ZNF519: variants seen among roughly 807,000 people sequenced by gnomAD.
ZNF519 encodes similar to Zinc finger protein 85 (Zinc finger protein HPF4) (HTF1).
A neutral mutation model predicts 7.4 loss-of-function variants in ZNF519; 7 were observed. The ratio of observed to expected loss-of-function variants is 0.94; its 90% CI spans 0.54 to 1.77. The LOEUF (loss-of-function observed/expected upper bound fraction) is 1.77. Among genes scored for constraint, ZNF519 ranks in the 40% most tolerant of loss-of-function variants. The pLI, the probability that ZNF519 is intolerant of heterozygous loss-of-function variation, is 0.00. For synonymous variants in ZNF519, 179 were observed against 203.3 expected, an observed-to-expected ratio of 0.88 and a Z score of 1.02; for missense variants, 586 against 623.1, an observed-to-expected ratio of 0.94 and a Z score of 0.63.
Position 14,106,411 on chromosome 18 carries a change from T to C in ZNF519, c.131-2A>G. Reference sequence around the variant, plus strand: ...CTTGGTTGTAATAAGAATACACAGCTGAAAGAAGTAAAAATAACTAATTAT... The same window carrying C: ...CTTGGTTGTAATAAGAATACACAGCCGAAAGAAGTAAAAATAACTAATTAT... On this transcript the variant is annotated splice_acceptor_variant, in intron 2 of 2. Coordinates refer to ENST00000590202, the MANE Select transcript of ZNF519 (RefSeq NM_145287.4). LOFTEE classifies it high-confidence loss of function. 2 of 1,562,308 alleles carry C rather than the reference T, an allele frequency of 1.3e-6. No individual in the cohort carries two copies. The highest frequency in any genetic ancestry group is 1.7e-6 in the Non-Finnish European group (2 of 1,159,328).
At chr18:14,131,939 G>A (rs1159240286) in intron 1 of ZNF519, among the ~76,000 whole-genome samples, 1 of 152,202 alleles carries the variant, frequency 6.6e-6, no homozygotes, top group African/African-American at 2.4e-5. Flanking sequence ...ATTCCGAACA[G>A]GGTAAGGTAG....
Position 14,132,390 on chromosome 18 carries a change from A to C in ZNF519, c.-113T>G. 1 of 1,377,620 alleles carries C rather than the reference A, an allele frequency of 7.3e-7. No individual in the cohort carries two copies. Among genetic ancestry groups the C allele is most frequent in the South Asian group, 1.2e-5 (1 of 81,902 alleles). 85.3% of individuals were successfully genotyped at this position (1,377,620 alleles called of 1,614,324 possible). A position where few individuals can be genotyped will look rare whatever the true frequency, so the allele number is the denominator to read the frequency against. On this transcript the variant is annotated 5_prime_UTR_variant, in exon 1 of 3. Transcript: ENST00000590202. ...ACCGAAGTCTCCCGGAGCAGAGGAC[A>C]CAAGGCAATGAAGCCCTAACCCCGC...
At position 14,102,702 on chromosome 18, in the gene ZNF519, AAAC is replaced by A. The variant is rs1232113640; in HGVS notation, c.*2212_*2214del. 2.6e-5 allele frequency: 4 copies of A among 152,154 alleles called. No individual in the cohort carries two copies. The highest frequency in any genetic ancestry group is 7.2e-5 in the African/African-American group (3 of 41,450). The allele number at this position is 152,154 out of a possible 1,614,324, so 9.4% of individuals were successfully genotyped here. ...TGTTGTAAATTATTTTCTCATTACA[AAAC>A]AACCTCACCTAAACTAATATACAAC... is the stretch of plus-strand genomic sequence containing the variant. On this transcript the variant is annotated 3_prime_UTR_variant, in exon 3 of 3. Transcript: ENST00000590202.
rs745680132 is a variant in ZNF519 at position 14,106,239 on chromosome 18, A to G, written c.301T>C (p.Cys101Arg). 8 of 1,613,522 alleles carry G rather than the reference A, an allele frequency of 5.0e-6. No homozygotes were observed. The highest frequency in any genetic ancestry group is 5.9e-6 in the Non-Finnish European group (7 of 1,179,928). ...TGACTAGTTGTCAAATATTGGCTAC[A>G]TAGATTATAACATTCCTTTTGTCCT... ...GEGQKECYNL[C>R]SQYLTTSHNK... The change falls in exon 3 of 3, where the codon TGT (cysteine) becomes CGT (arginine). Residue 101 changes from cysteine (C) to arginine (R), a missense_variant. Coordinates refer to ENST00000590202, the MANE Select transcript of ZNF519 (RefSeq NM_145287.4).
At chr18:14,097,119 A>G (rs2046140015), downstream of ZNF519, among the ~76,000 whole-genome samples, 1 of 152,238 alleles carries the variant, frequency 6.6e-6, no homozygotes, top group African/African-American at 2.4e-5. Flanking sequence ...TCTCCAAATC[A>G]AATGAAGTAG....
chr18:14,084,657 C>T (rs938865977), intron 3 of ZNF519, among the ~76,000 whole-genome samples: 15 of 152,104 alleles, frequency 9.9e-5, no homozygotes, highest in African/African-American at 3.4e-4. Flanking sequence ...CGAGCCTTAG[C>T]CCCCAAACTG....
At chr18:14,072,303 G>A (rs190709102), downstream of ZNF519, 27 of 152,256 alleles carry the variant, frequency 1.8e-4, no homozygotes, top group African/African-American at 6.5e-4. Flanking sequence ...ATCGTTGCCT[G>A]TGTTAACTCA....
downstream of ZNF519, chr18:14,073,748 A>G (rs924299138): frequency 2.0e-5 from 3 of 152,226 alleles, no homozygotes; most frequent in Non-Finnish European, 4.4e-5. Flanking sequence ...TTTTGCTTTC[A>G]GATATTTTAC....
intron 2 of ZNF519, among the ~76,000 whole-genome samples, chr18:14,093,551 T>G (rs951762372): frequency 1.3e-5 from 2 of 152,194 alleles, no homozygotes; most frequent in African/African-American, 2.4e-5. Context: ...TGGCTACTAT[T>G]AAAAGAAAAA....
In ZNF519 at chr18:14,100,699, G is replaced by A. The variant is rs1468225027; in HGVS notation, c.*4218C>T. 1 of 152,180 alleles carries A rather than the reference G, an allele frequency of 6.6e-6. No homozygotes were observed. Among genetic ancestry groups the A allele is most frequent in the East Asian group, 1.9e-4 (1 of 5,204 alleles). The allele number at this position is 152,180 out of a possible 1,614,324, so 9.4% of individuals were successfully genotyped here. A position where few individuals can be genotyped will look rare whatever the true frequency, so the allele number is the denominator to read the frequency against. ...TATGGTGGGGAGAAGGGAAGCGGAT[G>A]TGGTTATAAGAGGAAAACGAGTTAA... On this transcript the variant is annotated 3_prime_UTR_variant, in exon 3 of 3. Transcript: ENST00000590202.
At chr18:14,109,272 T>C (rs2046209823) in intron 2 of ZNF519, among the ~76,000 whole-genome samples, 1 of 152,084 alleles carries the variant, frequency 6.6e-6, no homozygotes, top group Admixed American at 6.5e-5. Flanking sequence ...ACCTAGAGAC[T>C]GCAACACCCC....
chr18:14,119,571 G>A (rs1341147500), intron 2 of ZNF519, among the ~76,000 whole-genome samples: 1 of 152,156 alleles, frequency 6.6e-6, no homozygotes, highest in African/African-American at 2.4e-5. Flanking sequence ...AACAAAAACT[G>A]TTTGAACTAA....
downstream of ZNF519, among the ~76,000 whole-genome samples, chr18:14,096,535 A>G (rs1598512173): frequency 6.6e-6 from 1 of 152,146 alleles, no homozygotes; most frequent in African/African-American, 2.4e-5. Context: ...TATTTTTTAG[A>G]GACACGGTCT....
chr18:14,123,865 G>A (rs2046282501), intron 2 of ZNF519, among the ~76,000 whole-genome samples: 1 of 152,096 alleles, frequency 6.6e-6, no homozygotes, highest in African/African-American at 2.4e-5. Flanking sequence ...ATGTAAAGAT[G>A]AATCATCATA....
exon 5 of ZNF519, chr18:14,076,703 T>C (rs952336787): frequency 6.6e-6 from 1 of 152,186 alleles, no homozygotes; most frequent in Non-Finnish European, 1.5e-5. Flanking sequence ...AACCTGGTAA[T>C]GGCCTTAGAA....
downstream of ZNF519, chr18:14,072,332 T>A (rs2046031307): frequency 6.6e-6 from 1 of 152,204 alleles, no homozygotes; most frequent in Admixed American, 6.5e-5. Flanking sequence ...ACTCGGTTTA[T>A]AATCATAGCC....
intron 2 of ZNF519, among the ~76,000 whole-genome samples, chr18:14,117,476 GAAA>G (rs1350800614): frequency 1.3e-5 from 2 of 152,122 alleles, no homozygotes; most frequent in East Asian, 1.9e-4. Flanking sequence ...TGCTGGTAGG[GAAA>G]AAGTGACTTC....
downstream of ZNF519, chr18:14,071,211 A>T (rs2046026757): frequency 6.6e-6 from 1 of 152,046 alleles, no homozygotes; most frequent in South Asian, 2.1e-4. Context: ...TGAGAGACAA[A>T]TTCCTGACTC....
intron 2 of ZNF519, among the ~76,000 whole-genome samples, chr18:14,121,191 ATGT>A (rs1247150081): frequency 1.3e-5 from 2 of 152,144 alleles, no homozygotes; most frequent in African/African-American, 4.8e-5. Flanking sequence ...GGAATATGAG[ATGT>A]TGTTCAAAGA....
Sources: gnomAD v4.1 joint callset for allele counts (sites outside exome capture counted in the v4.1 genomes callset) on GRCh38, gnomAD v4.1.1 for gene constraint, MANE v1.5 for transcripts, NCBI Gene and HGNC (gene_info 2026-07-23, HGNC 2026-07-21) for gene names.